The following ZNF468 variants were observed in gnomAD, a reference collection of about 807,000 sequenced individuals.
ZNF468 encodes zinc finger protein 468.
In ZNF468, 8 loss-of-function variants were observed where a neutral mutation model predicts 7.2. That is an observed-to-expected ratio of 1.11 (90% confidence interval 0.65 to 2.01). The LOEUF (loss-of-function observed/expected upper bound fraction) is 2.01, where lower values mean the gene tolerates loss of function less well. ZNF468 is among the 30% of genes most tolerant of loss of function. ZNF468 has a pLI of 0.00. For missense variants in ZNF468, 608 were observed against 626.5 expected (o/e 0.97, Z 0.31); for synonymous variants, 218 against 214.4 (o/e 1.02, Z -0.15).
At chr19:52,848,820 G>T (rs1204715363) in intron 3 of ZNF468, among the ~76,000 whole-genome samples, 4 of 152,038 alleles carry the variant, frequency 2.6e-5, no homozygotes, top group African/African-American at 9.7e-5. Flanking sequence ...CAAGGTACTG[G>T]GATGACAGGT....
intron 2 of ZNF468, among the ~76,000 whole-genome samples, chr19:52,852,266 T>C (rs773803963): frequency 1.3e-5 from 2 of 151,996 alleles, no homozygotes; most frequent in Non-Finnish European, 2.9e-5. Flanking sequence ...CTTGAGAGTC[T>C]GAGGCAGGAG....
chr19:52,856,220 A>T (rs970750898), intron 1 of ZNF468, among the ~76,000 whole-genome samples: 1 of 151,088 alleles, frequency 6.6e-6, no homozygotes, highest in Non-Finnish European at 1.5e-5. Flanking sequence ...AAATTATTTC[A>T]ATCAAGAAAT....
In ZNF468 at chr19:52,855,526, C is replaced by T. The variant is rs139030843; in HGVS notation, c.-73-1181G>A. ...GGGCTGTGGAGCCAAAGTGAAGAGTCGGGCTTTTGTCCTGGGGAACACGGG... is the reference window on the plus strand; with the variant it reads ...GGGCTGTGGAGCCAAAGTGAAGAGTTGGGCTTTTGTCCTGGGGAACACGGG... On this transcript the variant is annotated intron_variant, in intron 1 of 3. Transcript: ENST00000595646. Among the ~76,000 whole-genome samples, 1,025 of 146,120 alleles carry T rather than the reference C, an allele frequency of 7.0e-3. 6 individuals carry two copies. Among genetic ancestry groups the T allele is most frequent in the African/African-American group, 0.024 (872 of 36,688 alleles).
intron 1 of ZNF468, among the ~76,000 whole-genome samples, chr19:52,854,766 T>G (rs755710587): frequency 6.6e-6 from 1 of 152,056 alleles, no homozygotes; most frequent in Non-Finnish European, 1.5e-5. Context: ...GGCTCATGCC[T>G]GTAATACTAG....
At chr19:52,854,792 AGGTG>A (rs552738979) in intron 1 of ZNF468, among the ~76,000 whole-genome samples, 38 of 152,180 alleles carry the variant, frequency 2.5e-4, no homozygotes, top group African/African-American at 9.2e-4. Flanking sequence ...TGAAAGGCCA[AGGTG>A]GGTGGATTAC....
chr19:52,853,985 A>G, intron 2 of ZNF468: 1 of 1,473,144 alleles, frequency 6.8e-7, no homozygotes, highest in Non-Finnish European at 9.0e-7. Flanking sequence ...CTGCTGCCCA[A>G]GAGCACTGAC....
chr19:52,853,357 T>C (rs10419791), intron 2 of ZNF468, among the ~76,000 whole-genome samples: 32,926 of 151,800 alleles, frequency 0.22, 3,978 homozygotes, highest in African/African-American at 0.31. Flanking sequence ...CAAATATATA[T>C]ATCATGTGAT....
At chr19:52,853,024 T>G (rs1002938527) in intron 2 of ZNF468, among the ~76,000 whole-genome samples, 1 of 151,674 alleles carries the variant, frequency 6.6e-6, no homozygotes, top group African/African-American at 2.4e-5. Flanking sequence ...CCGGCTAATT[T>G]TTTGTATTTT....
chr19:52,848,971 T>C (rs1397039596), intron 3 of ZNF468, 116 bp downstream of exon 3: 1 of 1,503,308 alleles, frequency 6.7e-7, no homozygotes, highest in African/African-American at 1.4e-5. Context: ...AAGCTTTTCA[T>C]TTCAAAATCA....
chr19:52,857,587 G>C lies in ZNF468; in HGVS notation c.-89C>G, dbSNP rs2063452331. ...CAAAACTCACCGCCCGCCGCGGCGT[G>C]ACCGTCATTCCACGGGATCCACTTC... is the stretch of plus-strand genomic sequence containing the variant. On this transcript the variant is annotated 5_prime_UTR_variant, in exon 1 of 4. Coordinates refer to ENST00000595646, the MANE Select transcript of ZNF468 (RefSeq NM_001008801.2). 6.5e-6 allele frequency: 1 copy of C among 152,810 alleles called. No individual in the cohort carries two copies. Among genetic ancestry groups the C allele is most frequent in the African/African-American group, 2.4e-5 (1 of 41,606 alleles). The allele number at this position is 152,810 out of a possible 1,614,324, so 9.5% of individuals were successfully genotyped here. A position where few individuals can be genotyped will look rare whatever the true frequency, so the allele number is the denominator to read the frequency against.
At chr19:52,853,515 G>T (rs1418878409) in intron 2 of ZNF468, among the ~76,000 whole-genome samples, 1 of 151,384 alleles carries the variant, frequency 6.6e-6, no homozygotes, top group Non-Finnish European at 1.5e-5. Flanking sequence ...ATGCTGAAAC[G>T]CTGTTTCTAC....
Position 52,848,161 on chromosome 19 carries a change from A to C in ZNF468, c.142+926T>G, listed in dbSNP as rs369295298. 2.0e-4 allele frequency among the ~76,000 whole-genome samples: 30 copies of C among 152,202 alleles called. No individual in the cohort carries two copies. In the East Asian group the frequency reaches 4.2e-3, roughly 22 times the overall value. ...GTGGAACTTCCACTCTGCCCATCTG[A>C]GCTCTTACCTGCATTTACACCTGTA... On this transcript the variant is annotated intron_variant, in intron 3 of 3. Coordinates refer to ENST00000595646, the MANE Select transcript of ZNF468 (RefSeq NM_001008801.2).
chr19:52,842,202 A>C lies in ZNF468; in HGVS notation c.143-51T>G, dbSNP rs773114327. 7 of 1,404,180 alleles carry C rather than the reference A, an allele frequency of 5.0e-6. No individual in the cohort carries two copies. The South Asian group carries it at 1.1e-4, about 22-fold the overall frequency. The allele number at this position is 1,404,180 out of a possible 1,614,324, so 87.0% of individuals were successfully genotyped here. On this transcript the variant is annotated intron_variant, in intron 3 of 3. Coordinates refer to ENST00000595646, the MANE Select transcript of ZNF468 (RefSeq NM_001008801.2). ...TTCCAATTAAGTACAGACGGTATAT[A>C]ATACTGAAATGTGTAAATATCACAG...
At position 52,841,069 on chromosome 19, in the gene ZNF468, T is replaced by A; in HGVS notation, c.1225A>T (p.Lys409Ter). Residue 409 changes from lysine to a stop codon, truncating the protein, a stop_gained, in exon 4 of 4, where the codon AAA (lysine) becomes TAA (stop). Coordinates refer to ENST00000595646, the MANE Select transcript of ZNF468 (RefSeq NM_001008801.2). LOFTEE classifies it low-confidence loss of function (END_TRUNC). ...CAACATTCTTCACATTTGTAAGGTT[T>A]CTCTCCACTATGAATCCTCCTATGT... ...ERHRRIHSGE[K>*]PYKCEECCKV... The A allele has an allele frequency of 6.2e-7, 1 of 1,613,110 alleles. No individual in the cohort carries two copies. Among genetic ancestry groups the A allele is most frequent in the Non-Finnish European group, 8.5e-7 (1 of 1,179,332 alleles).
chr19:52,857,257 G>A (rs1267420549), intron 1 of ZNF468, among the ~76,000 whole-genome samples: 17 of 152,224 alleles, frequency 1.1e-4, no homozygotes, highest in Non-Finnish European at 1.8e-4. Flanking sequence ...CACAGGGTGG[G>A]AATACACCTC....
At chr19:52,856,256 C>G (rs1054004965) in intron 1 of ZNF468, among the ~76,000 whole-genome samples, 1 of 152,056 alleles carries the variant, frequency 6.6e-6, no homozygotes, top group Non-Finnish European at 1.5e-5. Context: ...TGAGGTGGTT[C>G]ACACCTGTAA....
chr19:52,845,771 G>A (rs1423972562), intron 3 of ZNF468, among the ~76,000 whole-genome samples: 1 of 152,190 alleles, frequency 6.6e-6, no homozygotes, highest in African/African-American at 2.4e-5. Flanking sequence ...TTGGGAGGAT[G>A]AGTCAGGCAG....
chr19:52,843,430 A>C (rs2063321000), intron 3 of ZNF468, among the ~76,000 whole-genome samples: 1 of 151,956 alleles, frequency 6.6e-6, no homozygotes, highest in South Asian at 2.1e-4. Flanking sequence ...ATCAGGTTTC[A>C]CCATGTTGGC....
At chr19:52,843,696 C>T (rs767447683) in intron 3 of ZNF468, among the ~76,000 whole-genome samples, 4 of 152,090 alleles carry the variant, frequency 2.6e-5, no homozygotes, top group Non-Finnish European at 5.9e-5. Flanking sequence ...GAATTCTAAA[C>T]AATTCCCTCT....
Sources: gnomAD v4.1 joint callset for allele counts (sites outside exome capture counted in the v4.1 genomes callset) on GRCh38, gnomAD v4.1.1 for gene constraint, MANE v1.5 for transcripts, NCBI Gene and HGNC (gene_info 2026-07-23, HGNC 2026-07-21) for gene names.